Variants in BRF1 observed in about 807,000 individuals in gnomAD.
The protein encoded by BRF1 is transcription factor IIIB 90 kDa subunit.
A neutral mutation model predicts 81.7 loss-of-function variants in BRF1; 59 were observed. The ratio of observed to expected loss-of-function variants is 0.72; its 90% CI spans 0.59 to 0.90. The LOEUF (loss-of-function observed/expected upper bound fraction) is 0.90. BRF1 is among the 40% of genes least tolerant of loss of function. The probability of loss-of-function intolerance (pLI) is 0.00; values close to 1 mark genes in which losing one functional copy is unlikely to be tolerated. For missense variants in BRF1, 1,050 were observed against 936.3 expected, an observed-to-expected ratio of 1.12 and a Z score of -1.58; for synonymous variants, 491 against 395.6, an observed-to-expected ratio of 1.24 and a Z score of -2.86.
chr14:105,219,363 C>A (rs943024116), intron 12 of BRF1, 131 bp from the exon 13 acceptor site: 5 of 1,503,118 alleles, frequency 3.3e-6, no homozygotes, highest in Non-Finnish European at 4.4e-6. Flanking sequence ...CTATTTAGTG[C>A]GGAGCCTGGG....
At chr14:105,257,114 C>G (rs2055919134) in intron 3 of BRF1, among the ~76,000 whole-genome samples, 1 of 152,152 alleles carries the variant, frequency 6.6e-6, no homozygotes, top group Non-Finnish European at 1.5e-5. Context: ...GGGGACCCCG[C>G]ACAGGACCTG....
rs372844536 is a variant in BRF1, at chr14:105,248,436, G to A, written c.544+4071C>T. 6.5e-3 allele frequency: 6,381 copies of A among 985,368 alleles called. 51 individuals are homozygous for A. Among genetic ancestry groups the A allele is most frequent in the South Asian group, 0.05 (1,063 of 21,290 alleles). The allele number at this position is 985,368 out of a possible 1,614,324, so 61.0% of individuals were successfully genotyped here. A position where few individuals can be genotyped will look rare whatever the true frequency, so the allele number is the denominator to read the frequency against. ...GCTACCTCTGCACAGCGCGCGGCTC[G>A]CGCCGGTTGCTGGGCAGAAGCTCGA... On this transcript the variant is annotated intron_variant, in intron 5 of 17. Transcript: ENST00000547530.
At position 105,300,747 on chromosome 14, in the gene BRF1, A is replaced by C; in HGVS notation, c.-118T>G. ...CCGCCCAGGCCTCGCCGCTCTCGCG[A>C]GGCCCCGCTCCAGCCGATTCGCAGC... is the stretch of plus-strand genomic sequence containing the variant. On this transcript the variant is annotated 5_prime_UTR_variant, in exon 1 of 18. Coordinates refer to ENST00000547530, the MANE Select transcript of BRF1 (RefSeq NM_001519.4). 1 of 803,802 alleles carries C rather than the reference A, an allele frequency of 1.2e-6. No individual in the cohort carries two copies. The highest frequency in any genetic ancestry group is 1.6e-6 in the Non-Finnish European group (1 of 611,302). The allele number at this position is 803,802 out of a possible 1,614,324, so 49.8% of individuals were successfully genotyped here.
At chr14:105,314,844 C>A in intron 1 of BRF1, 2 of 603,304 alleles carry the variant, frequency 3.3e-6, no homozygotes, top group Non-Finnish European at 4.1e-6. Flanking sequence ...GCCCTCCGCG[C>A]GCCCGGCCCG....
intron 1 of BRF1, among the ~76,000 whole-genome samples, chr14:105,308,102 G>C (rs1477455675): frequency 6.6e-6 from 1 of 152,124 alleles, no homozygotes; most frequent in African/African-American, 2.4e-5. Flanking sequence ...AGAATCGCTT[G>C]AACCCAGGTG....
At chr14:105,216,785 T>C (rs1891392815) in intron 15 of BRF1, among the ~76,000 whole-genome samples, 1 of 151,958 alleles carries the variant, frequency 6.6e-6, no homozygotes, top group African/African-American at 2.4e-5. Flanking sequence ...CAAGAAGCAG[T>C]AGGACCAGCA....
At chr14:105,267,340 A>G (rs1219408834) in intron 3 of BRF1, among the ~76,000 whole-genome samples, 5 of 149,888 alleles carry the variant, frequency 3.3e-5, no homozygotes, top group Non-Finnish European at 7.4e-5. Flanking sequence ...GGCTCACTCT[A>G]TTGCCTAGGC....
Position 105,209,938 on chromosome 14 carries a change from G to C in BRF1, c.*613C>G. The C allele has an allele frequency of 2.8e-6, 1 of 362,648 alleles. No homozygotes were observed. Among genetic ancestry groups the C allele is most frequent in the Non-Finnish European group, 4.9e-6 (1 of 202,640 alleles). 22.5% of individuals were successfully genotyped at this position (362,648 alleles called of 1,614,324 possible). ...GGGGGTCTGGAGGAGGCAGGGGTGG[G>C]GGTGTCTGCCTCGGACGAGGCAGGT... On this transcript the variant is annotated 3_prime_UTR_variant, in exon 18 of 18. Transcript: ENST00000547530.
chr14:105,272,090 G>A (rs1407455940), intron 3 of BRF1, among the ~76,000 whole-genome samples: 7 of 90,618 alleles, frequency 7.7e-5, no homozygotes, highest in Admixed American at 3.1e-4. Flanking sequence ...CGGTGTCCAC[G>A]CACAAGGCCA....
Position 105,210,512 on chromosome 14 carries a change from G to T in BRF1, c.*39C>A. The T allele has an allele frequency of 6.2e-7, 1 of 1,607,294 alleles. No individual in the cohort carries two copies. On this transcript the variant is annotated 3_prime_UTR_variant, in exon 18 of 18. Coordinates refer to ENST00000547530, the MANE Select transcript of BRF1 (RefSeq NM_001519.4). The surrounding 1 kb of genome is among the most constrained non-coding windows in gnomAD (Gnocchi z 4.7). ...CGTCTGATGCTGAGGAGACCCGCGA[G>T]GCCCCCTGCCAGGACATCACCTGCC...
chr14:105,218,652 C>T (rs369562401), intron 14 of BRF1, among the ~76,000 whole-genome samples: 1 of 152,200 alleles, frequency 6.6e-6, no homozygotes, highest in East Asian at 1.9e-4. Context: ...GCATGACAGT[C>T]GGACTTTCCC....
intron 5 of BRF1, chr14:105,247,877 C>CCA (rs2055230304): frequency 1.1e-5 from 11 of 985,660 alleles, no homozygotes; most frequent in Non-Finnish European, 1.3e-5. Context: ...AGCCAGTGCC[C>CCA]CATGCCACGC....
At position 105,300,738 on chromosome 14, in the gene BRF1, GCTCTC is replaced by G; in HGVS notation, c.-114_-110del. 1 of 845,596 alleles carries G rather than the reference GCTCTC, an allele frequency of 1.2e-6. No individual in the cohort carries two copies. Among genetic ancestry groups the G allele is most frequent in the Non-Finnish European group, 1.5e-6 (1 of 647,302 alleles). The allele number at this position is 845,596 out of a possible 1,614,324, so 52.4% of individuals were successfully genotyped here. ...CAGGCCCAGCCGCCCAGGCCTCGCC[GCTCTC>G]GCGAGGCCCCGCTCCAGCCGATTCG... On this transcript the variant is annotated 5_prime_UTR_variant, in exon 1 of 18. Transcript: ENST00000547530.
At position 105,209,868 on chromosome 14, in the gene BRF1, G is replaced by C. The variant is rs973569839; in HGVS notation, c.*683C>G. 2.1e-6 allele frequency: 1 copy of C among 471,624 alleles called. No individual in the cohort carries two copies. The highest frequency in any genetic ancestry group is 2.0e-5 in the African/African-American group (1 of 49,322). The allele number at this position is 471,624 out of a possible 1,614,324, so 29.2% of individuals were successfully genotyped here. ...CACAACTCAAGTGGCCCTGGAGCAG[G>C]GGTCTGACCCCCATGCTGCTCCAGG... On this transcript the variant is annotated 3_prime_UTR_variant, in exon 18 of 18. Transcript: ENST00000547530.
intron 1 of BRF1, among the ~76,000 whole-genome samples, chr14:105,295,167 C>T (rs886838078): frequency 2.6e-5 from 4 of 151,974 alleles, no homozygotes; most frequent in African/African-American, 9.7e-5. Context: ...CAGCAGGAAC[C>T]CTCAACAGAA....
chr14:105,300,546 G>A lies in BRF1; in HGVS notation c.84C>T (p.Cys28=). The A allele has an allele frequency of 6.6e-7, 1 of 1,523,172 alleles. No homozygotes were observed. The highest frequency in any genetic ancestry group is 8.8e-7 in the Non-Finnish European group (1 of 1,139,146). 94.4% of individuals were successfully genotyped at this position (1,523,172 alleles called of 1,614,324 possible). ...TGATGTTGTCCTCCAGCACTGAGCCGCAGGCGGTGCACACCGCGTCCCCGC... is the reference window on the plus strand; with the variant it reads ...TGATGTTGTCCTCCAGCACTGAGCCACAGGCGGTGCACACCGCGTCCCCGC... ...AARGDAVCTA[C]GSVLEDNIIV... Residue 28 remains cysteine (C), a synonymous_variant, in exon 1 of 18, where the codon TGC becomes TGT. Coordinates refer to ENST00000547530, the MANE Select transcript of BRF1 (RefSeq NM_001519.4).
chr14:105,301,681 C>A (rs944210496), upstream of BRF1, among the ~76,000 whole-genome samples: 2 of 152,256 alleles, frequency 1.3e-5, no homozygotes, highest in Admixed American at 6.5e-5. Context: ...CCTAAAATTC[C>A]CACTTTCTAG....
At chr14:105,229,033 T>G (rs2054275287) in intron 6 of BRF1, 120 bp from the exon 7 acceptor site, 1 of 892,668 alleles carries the variant, frequency 1.1e-6, no homozygotes, top group Admixed American at 1.8e-5. Context: ...AAGACGTGTC[T>G]GTGCCAGGCA....
chr14:105,267,268 G>C (rs928994717), intron 3 of BRF1, among the ~76,000 whole-genome samples: 2 of 152,062 alleles, frequency 1.3e-5, no homozygotes, highest in African/African-American at 4.8e-5. Context: ...TGGGTGTGCC[G>C]GTGTTTCCAG....
Sources: gnomAD v4.1 joint callset for allele counts (sites outside exome capture counted in the v4.1 genomes callset) on GRCh38, gnomAD v4.1.1 for gene constraint, Gnocchi (gnomAD v3.1) non-coding constraint, MANE v1.5 for transcripts, NCBI Gene and HGNC (gene_info 2026-07-23, HGNC 2026-07-21) for gene names.